SH3RF1: variants seen among roughly 807,000 people sequenced by gnomAD.
SH3RF1 encodes SH3 domain containing ring finger 1.
SH3RF1 carries 32 observed loss-of-function variants against 74.0 expected under a neutral mutation model. The observed-to-expected ratio is 0.43, with a 90% CI of 0.33 to 0.58. The LOEUF is 0.58. Ranked by LOEUF, SH3RF1 falls within the 20% of genes least tolerant of loss-of-function variation. The pLI is 0.05. For synonymous variants in SH3RF1, 396 were observed against 439.6 expected (o/e 0.90, Z 1.24); for missense variants, 954 against 1,130.9 (o/e 0.84, Z 2.24).
At position 169,106,863 on chromosome 4, in the gene SH3RF1, G is replaced by C; in HGVS notation, c.2482C>G (p.Pro828Ala). 6.2e-7 allele frequency: 1 copy of C among 1,609,544 alleles called. No homozygotes were observed. The highest frequency in any genetic ancestry group is 8.5e-7 in the Non-Finnish European group (1 of 1,178,026). ...TGAACTTACCTTTCACAAACGACAGGTCTAGACTCATTCAAGACAGGACCC... is the reference window on the plus strand; with the variant it reads ...TGAACTTACCTTTCACAAACGACAGCTCTAGACTCATTCAAGACAGGACCC... ...SLGPVLNESRPVVCERHRVVV... is the reference protein window; with the variant it reads ...SLGPVLNESRAVVCERHRVVV... Residue 828 changes from proline to alanine, a missense_variant, in exon 11 of 12, where the codon CCT becomes GCT. Coordinates refer to ENST00000284637, the MANE Select transcript of SH3RF1 (RefSeq NM_020870.4).
At chr4:169,265,079 G>C (rs1215123674) in intron 2 of SH3RF1, among the ~76,000 whole-genome samples, 1 of 152,052 alleles carries the variant, frequency 6.6e-6, no homozygotes, top group Non-Finnish European at 1.5e-5. Flanking sequence ...CCCTAGCTTT[G>C]TGTCTTAGAA....
At chr4:169,176,482 AATTTT>A (rs1464752132) in intron 2 of SH3RF1, among the ~76,000 whole-genome samples, 1 of 152,182 alleles carries the variant, frequency 6.6e-6, no homozygotes, top group Non-Finnish European at 1.5e-5. Context: ...AACAAATATT[AATTTT>A]AACTGAACAA....
intron 2 of SH3RF1, among the ~76,000 whole-genome samples, chr4:169,216,804 A>G (rs1730470676): frequency 6.6e-6 from 1 of 152,138 alleles, no homozygotes; most frequent in Non-Finnish European, 1.5e-5. Context: ...TAATAAAGCA[A>G]AATACTATCT....
chr4:169,211,171 T>C (rs1279640834), intron 2 of SH3RF1, among the ~76,000 whole-genome samples: 1 of 152,164 alleles, frequency 6.6e-6, no homozygotes, highest in Non-Finnish European at 1.5e-5. Flanking sequence ...TTATGACCCA[T>C]TCTCCAAAGA....
intron 4 of SH3RF1, among the ~76,000 whole-genome samples, chr4:169,137,740 T>C (rs1733722031): frequency 6.6e-6 from 1 of 152,188 alleles, no homozygotes; most frequent in Non-Finnish European, 1.5e-5. Flanking sequence ...TCTCAGTCAA[T>C]ATTTTATGAA....
At chr4:169,168,473 A>G (rs1027574057) in intron 2 of SH3RF1, among the ~76,000 whole-genome samples, 4 of 152,238 alleles carry the variant, frequency 2.6e-5, no homozygotes, top group African/African-American at 9.6e-5. Flanking sequence ...ATTGACAGAA[A>G]AGCTGTAGAA....
chr4:169,148,737 T>C (rs1017433940), intron 4 of SH3RF1, among the ~76,000 whole-genome samples: 2 of 152,154 alleles, frequency 1.3e-5, no homozygotes, highest in Non-Finnish European at 2.9e-5. Flanking sequence ...TTGGTTCTGT[T>C]TCATAGAATT....
At chr4:169,268,075 A>G (rs1219174690) in intron 2 of SH3RF1, among the ~76,000 whole-genome samples, 2 of 151,944 alleles carry the variant, frequency 1.3e-5, no homozygotes, top group African/African-American at 4.8e-5. Flanking sequence ...TTATTTATAT[A>G]TATTTCTAAT....
intron 2 of SH3RF1, among the ~76,000 whole-genome samples, chr4:169,264,869 G>A (rs951185894): frequency 1.3e-5 from 2 of 152,094 alleles, no homozygotes; most frequent in Non-Finnish European, 2.9e-5. Context: ...TTCTTCCTAG[G>A]AGGCACATCC....
At chr4:169,151,462 A>G (rs563542777) in intron 4 of SH3RF1, among the ~76,000 whole-genome samples, 4 of 152,222 alleles carry the variant, frequency 2.6e-5, no homozygotes, top group African/African-American at 9.7e-5. Flanking sequence ...AGTAGAGTCA[A>G]GATTGGAATC....
intron 4 of SH3RF1, among the ~76,000 whole-genome samples, chr4:169,137,991 G>C (rs1164017513): frequency 2.6e-5 from 4 of 152,144 alleles, no homozygotes; most frequent in African/African-American, 9.7e-5. Flanking sequence ...AGAAATAATA[G>C]GCAGTAACGC....
At chr4:169,155,692 T>C in intron 3 of SH3RF1, 117 bp from the exon 4 acceptor site, 1 of 739,466 alleles carries the variant, frequency 1.4e-6, no homozygotes, top group South Asian at 1.7e-5. Context: ...TGAATAAAAA[T>C]GCTATGACAT....
At chr4:169,119,791 T>C (rs1733407613) in intron 8 of SH3RF1, among the ~76,000 whole-genome samples, 1 of 152,202 alleles carries the variant, frequency 6.6e-6, no homozygotes, top group Non-Finnish European at 1.5e-5. Context: ...CATTAAGCTA[T>C]TTGTTTAAAA....
At chr4:169,098,738 A>G (rs1362855696) in intron 11 of SH3RF1, among the ~76,000 whole-genome samples, 5 of 152,344 alleles carry the variant, frequency 3.3e-5, no homozygotes, top group Admixed American at 6.5e-5. Flanking sequence ...ACACTGGCCT[A>G]AGGATTGACA....
chr4:169,117,496 T>C, intron 9 of SH3RF1, 27 bp downstream of exon 9: 1 of 1,610,196 alleles, frequency 6.2e-7, no homozygotes, highest in Non-Finnish European at 8.5e-7. Context: ...TTTATCCTGA[T>C]ATGTTCTGGC....
intron 2 of SH3RF1, among the ~76,000 whole-genome samples, chr4:169,248,748 G>C (rs1731049184): frequency 6.6e-6 from 1 of 152,192 alleles, no homozygotes; most frequent in Admixed American, 6.5e-5. Flanking sequence ...TTCACCTGGT[G>C]GGTGTTTGTG....
At chr4:169,155,093 A>T (rs938837681) in intron 4 of SH3RF1, among the ~76,000 whole-genome samples, 14 of 152,226 alleles carry the variant, frequency 9.2e-5, no homozygotes, top group African/African-American at 3.4e-4. Context: ...TGATGCAGCA[A>T]GTAACCAAAG....
chr4:169,111,240 G>T (rs1221564717), intron 10 of SH3RF1, among the ~76,000 whole-genome samples: 1 of 149,308 alleles, frequency 6.7e-6, no homozygotes, highest in Non-Finnish European at 1.5e-5. Flanking sequence ...GGTAGAGGCT[G>T]CAGTGAGTCG....
intron 2 of SH3RF1, among the ~76,000 whole-genome samples, chr4:169,262,518 T>A (rs1731295203): frequency 2.0e-5 from 3 of 152,210 alleles, no homozygotes; most frequent in Middle Eastern, 3.4e-3. Flanking sequence ...AGTACAAAAA[T>A]TAGCCAGGCA....
Sources: allele counts gnomAD v4.1 joint callset (sites outside exome capture counted in the v4.1 genomes callset), GRCh38; gene constraint gnomAD v4.1.1; transcripts MANE v1.5; gene names NCBI Gene and HGNC (gene_info 2026-07-23, HGNC 2026-07-21).